The following YWHAE variants were observed in gnomAD, a reference collection of about 807,000 sequenced individuals.
The protein encoded by YWHAE is 14-3-3 protein epsilon.
A neutral mutation model predicts 30.1 loss-of-function variants in YWHAE; 4 were observed. That is an observed-to-expected ratio of 0.13 (90% CI 0.07 to 0.30). YWHAE has a LOEUF of 0.30. YWHAE is among the 10% of genes least tolerant of loss of function. The probability of loss-of-function intolerance (pLI) is 1.00; values close to 1 mark genes in which losing one functional copy is unlikely to be tolerated. For missense variants in YWHAE, 121 were observed against 315.9 expected (o/e 0.38, Z 4.68); for synonymous variants, 118 against 111.8 (o/e 1.06, Z -0.35).
chr17:1,346,709 G>A (rs988314112), intron 5 of YWHAE, among the ~76,000 whole-genome samples: 13 of 152,226 alleles, frequency 8.5e-5, no homozygotes, highest in South Asian at 2.1e-4. Context: ...ACATAACGCC[G>A]GGCACGGTGG....
intron 1 of YWHAE, among the ~76,000 whole-genome samples, chr17:1,378,045 G>C (rs1038117854): frequency 6.6e-6 from 1 of 152,202 alleles, no homozygotes; most frequent in African/African-American, 2.4e-5. Flanking sequence ...GTGAGACTCC[G>C]TCTCAAAATA....
chr17:1,349,982 C>G (rs192836419), intron 5 of YWHAE, among the ~76,000 whole-genome samples: 534 of 137,002 alleles, frequency 3.9e-3, no homozygotes, highest in Middle Eastern at 0.015. Flanking sequence ...GACGAAGTTT[C>G]TCTCTTGTTG....
At chr17:1,392,098 G>A (rs1039266656) in intron 1 of YWHAE, among the ~76,000 whole-genome samples, 2 of 152,182 alleles carry the variant, frequency 1.3e-5, no homozygotes, top group Admixed American at 1.3e-4. Flanking sequence ...TACTTGGCAT[G>A]CTGAGGTGCC....
At chr17:1,376,447 C>A (rs773420837) in intron 1 of YWHAE, among the ~76,000 whole-genome samples, 8 of 152,052 alleles carry the variant, frequency 5.3e-5, no homozygotes, top group Non-Finnish European at 1.0e-4. Context: ...CTGCTTAAAA[C>A]GCATTTCTTT....
At chr17:1,374,940 C>A (rs180926115) in intron 1 of YWHAE, among the ~76,000 whole-genome samples, 1 of 152,092 alleles carries the variant, frequency 6.6e-6, no homozygotes, top group East Asian at 1.9e-4. Flanking sequence ...GGTCTCACTA[C>A]GTTGCCCTGA....
intron 2 of YWHAE, among the ~76,000 whole-genome samples, chr17:1,362,287 C>T (rs2072876478): frequency 6.6e-6 from 1 of 152,128 alleles, no homozygotes; most frequent in Admixed American, 6.6e-5. Context: ...TACCACAGTA[C>T]AGCTACAGAA....
At chr17:1,346,593 G>GT (rs1472735963) in intron 5 of YWHAE, among the ~76,000 whole-genome samples, 4 of 152,194 alleles carry the variant, frequency 2.6e-5, no homozygotes, top group African/African-American at 7.2e-5. Context: ...GGTTTCAGTA[G>GT]TTTTCAAATC....
intron 1 of YWHAE, among the ~76,000 whole-genome samples, chr17:1,381,573 A>AG (rs1021893720): frequency 6.6e-6 from 1 of 152,038 alleles, no homozygotes; most frequent in South Asian, 2.1e-4. Context: ...ATGCATGTAA[A>AG]GGGGGGAGGG....
intron 1 of YWHAE, 32 bp downstream of exon 1, chr17:1,400,015 A>G: frequency 8.1e-6 from 13 of 1,611,938 alleles, no homozygotes; most frequent in Non-Finnish European, 9.3e-6. Flanking sequence ...AGGGTCCGAG[A>G]ATTCCAGCCC....
chr17:1,392,929 G>A (rs1467782349), intron 1 of YWHAE, among the ~76,000 whole-genome samples: 5 of 152,022 alleles, frequency 3.3e-5, no homozygotes, highest in Admixed American at 2.6e-4. Flanking sequence ...GTGGCCGGGG[G>A]TGGTGGCTCA....
At chr17:1,354,066 A>T in intron 5 of YWHAE, 145 bp downstream of exon 5, 1 of 1,040,668 alleles carries the variant, frequency 9.6e-7, no homozygotes, top group Non-Finnish European at 1.3e-6. Flanking sequence ...CATTTCCTAT[A>T]AAGGCAGCAA....
At chr17:1,395,985 G>A (rs2073465571) in intron 1 of YWHAE, among the ~76,000 whole-genome samples, 1 of 152,002 alleles carries the variant, frequency 6.6e-6, no homozygotes, top group Admixed American at 6.6e-5. Flanking sequence ...TGGCATAGTG[G>A]CGGATGCCTG....
At chr17:1,364,813 TAACTCA>T (rs759312083) in intron 2 of YWHAE, 40 bp downstream of exon 2, 79 of 1,610,614 alleles carry the variant, frequency 4.9e-5, no homozygotes, top group Non-Finnish European at 5.9e-5. Context: ...GTCCTACAGG[TAACTCA>T]AACTGTGGAT....
chr17:1,356,460 C>T (rs2072744476), intron 4 of YWHAE, among the ~76,000 whole-genome samples: 1 of 152,162 alleles, frequency 6.6e-6, no homozygotes, highest in Admixed American at 6.6e-5. Flanking sequence ...GAACTAATCT[C>T]AATGGATAAG....
At chr17:1,384,620 TATTTTGA>T (rs1317835816) in intron 1 of YWHAE, among the ~76,000 whole-genome samples, 1 of 152,062 alleles carries the variant, frequency 6.6e-6, no homozygotes, top group Non-Finnish European at 1.5e-5. Flanking sequence ...GTGTATTTTG[TATTTTGA>T]GGGTTTCACC....
chr17:1,359,812 T>TG lies in YWHAE; in HGVS notation c.578+1279_578+1280insC, dbSNP rs1555640505. On this transcript the variant is annotated intron_variant, in intron 4 of 5. Transcript: ENST00000264335. ...CAATGTATTCGGTGCCACTAAATTG[T>TG]TGTGTGTGTGTGTGTGTGTGTGTGT... Among the ~76,000 whole-genome samples the TG allele has an allele frequency of 6.1e-5, 8 of 130,718 alleles. No individual in the cohort carries two copies. The South Asian group carries it at 1.9e-3, about 31-fold the overall frequency. The allele number at this position is 130,718 out of a possible 152,430, so 85.8% of individuals were successfully genotyped here.
intron 4 of YWHAE, among the ~76,000 whole-genome samples, chr17:1,357,452 T>C (rs964228627): frequency 2.3e-5 from 3 of 130,908 alleles, no homozygotes; most frequent in African/African-American, 5.9e-5. Flanking sequence ...TGGTGGCGGG[T>C]GCCTGTAGTA....
chr17:1,398,811 C>G (rs2073515769), intron 1 of YWHAE: 1 of 152,126 alleles, frequency 6.6e-6, no homozygotes, highest in Non-Finnish European at 1.5e-5. Context: ...CGATGAAGTT[C>G]TGAAAAAGGA....
Position 1,344,827 on chromosome 17 carries a change from A to G in YWHAE, c.*620T>C, listed in dbSNP as rs1042660122. Reference sequence around the variant, plus strand: ...CGCTAACCTGCTTCAGTGGGAGAGTAAAGTAGGCAAGAATGAGCAGCCACG... The same window carrying G: ...CGCTAACCTGCTTCAGTGGGAGAGTGAAGTAGGCAAGAATGAGCAGCCACG... On this transcript the variant is annotated 3_prime_UTR_variant, in exon 6 of 6. Coordinates refer to ENST00000264335, the MANE Select transcript of YWHAE (RefSeq NM_006761.5). 6.9e-5 allele frequency: 16 copies of G among 232,934 alleles called. No homozygotes were observed. The highest frequency in any genetic ancestry group is 1.2e-4 in the Non-Finnish European group (14 of 117,648). The allele number at this position is 232,934 out of a possible 1,614,324, so 14.4% of individuals were successfully genotyped here. A position where few individuals can be genotyped will look rare whatever the true frequency, so the allele number is the denominator to read the frequency against.
Sources: gnomAD v4.1 joint callset for allele counts (sites outside exome capture counted in the v4.1 genomes callset) on GRCh38, gnomAD v4.1.1 for gene constraint, MANE v1.5 for transcripts, NCBI Gene and HGNC (gene_info 2026-07-23, HGNC 2026-07-21) for gene names.